The following CNTNAP2 variants were observed in gnomAD, a reference collection of about 807,000 sequenced individuals.
CNTNAP2 encodes contactin associated protein 2, also known as contactin-associated protein-like 2.
Under a neutral mutation model 155.2 loss-of-function variants are expected in CNTNAP2, and 98 were observed. The ratio of observed to expected loss-of-function variants is 0.63; its 90% CI spans 0.54 to 0.75. The LOEUF (loss-of-function observed/expected upper bound fraction) is 0.75. CNTNAP2 is among the 30% of genes least tolerant of loss of function. CNTNAP2 has a pLI of 0.00. For synonymous variants in CNTNAP2, 651 were observed against 631.2 expected (o/e 1.03, Z -0.47); for missense variants, 1,727 against 1,688.1 (o/e 1.02, Z -0.40).
chr7:146,835,337 G>A (rs1050757911), intron 2 of CNTNAP2, among the ~76,000 whole-genome samples: 13 of 152,080 alleles, frequency 8.5e-5, no homozygotes, highest in African/African-American at 2.7e-4. Context: ...TTAATTGCTC[G>A]TTGACTTGAG....
intron 14 of CNTNAP2, among the ~76,000 whole-genome samples, chr7:147,925,194 G>A (rs184230823): frequency 2.7e-5 from 4 of 149,866 alleles, no homozygotes; most frequent in South Asian, 2.1e-4. Context: ...AAGGAAGGAA[G>A]GAAGGAAGGA....
At chr7:147,832,089 T>C (rs1798555545) in intron 13 of CNTNAP2, among the ~76,000 whole-genome samples, 1 of 149,586 alleles carries the variant, frequency 6.7e-6, no homozygotes, top group South Asian at 2.1e-4. Flanking sequence ...ATTTTAAAAC[T>C]GTTATATATA....
chr7:147,594,506 T>C (rs1162570216), intron 12 of CNTNAP2, among the ~76,000 whole-genome samples: 1 of 152,160 alleles, frequency 6.6e-6, no homozygotes, highest in Non-Finnish European at 1.5e-5. Context: ...AATTAACAAA[T>C]AGCAGATATA....
intron 21 of CNTNAP2, among the ~76,000 whole-genome samples, chr7:148,268,312 T>C (rs1397772656): frequency 6.6e-6 from 1 of 151,986 alleles, no homozygotes; most frequent in Non-Finnish European, 1.5e-5. Context: ...CTTAAAAACA[T>C]GCGGCAGGGG....
intron 3 of CNTNAP2, among the ~76,000 whole-genome samples, chr7:146,981,136 A>G (rs986310636): frequency 4.6e-5 from 7 of 152,156 alleles, no homozygotes; most frequent in South Asian, 2.1e-4. Context: ...ATCTTCTGTG[A>G]TACTTTAGAA....
chr7:148,114,652 A>C (rs574123366), intron 15 of CNTNAP2, among the ~76,000 whole-genome samples: 2 of 152,286 alleles, frequency 1.3e-5, no homozygotes, highest in Admixed American at 1.3e-4. Context: ...GGACTCAGAG[A>C]TGGTGACCAT....
In CNTNAP2 at chr7:147,730,889, C is replaced by T. The variant is rs560641261; in HGVS notation, c.2098+91583C>T. 2.0e-5 allele frequency among the ~76,000 whole-genome samples: 3 copies of T among 152,188 alleles called. No homozygotes were observed. The South Asian group carries it at 6.2e-4, about 31-fold the overall frequency. ...CATGAACGATAGAAAAGTGAAACAG[C>T]TTTATTGCTGATATGGAGAAAGTTT... On this transcript the variant is annotated intron_variant, in intron 13 of 23. Coordinates refer to ENST00000361727, the MANE Select transcript of CNTNAP2 (RefSeq NM_014141.6).
At chr7:147,600,558 G>A (rs952896959) in intron 12 of CNTNAP2, among the ~76,000 whole-genome samples, 1 of 152,140 alleles carries the variant, frequency 6.6e-6, no homozygotes, top group African/African-American at 2.4e-5. Context: ...TTAAACCTGT[G>A]AAAAGCATTC....
intron 1 of CNTNAP2, among the ~76,000 whole-genome samples, chr7:146,225,450 C>G (rs1239722147): frequency 6.6e-6 from 1 of 152,134 alleles, no homozygotes; most frequent in Non-Finnish European, 1.5e-5. Flanking sequence ...GGACAGTCAA[C>G]TTGATTCTAA....
intron 1 of CNTNAP2, among the ~76,000 whole-genome samples, chr7:146,270,015 C>T (rs1239169086): frequency 3.9e-5 from 6 of 152,160 alleles, no homozygotes; most frequent in Non-Finnish European, 7.3e-5. Context: ...TACCTGATTC[C>T]TCTTTCAGTG....
intron 13 of CNTNAP2, among the ~76,000 whole-genome samples, chr7:147,692,729 G>C (rs142404075): frequency 6.6e-6 from 1 of 151,722 alleles, no homozygotes; most frequent in Non-Finnish European, 1.5e-5. Context: ...GGCTTTTTTC[G>C]GTATAGTTTG....
intron 8 of CNTNAP2, among the ~76,000 whole-genome samples, chr7:147,194,895 C>A (rs1297744085): frequency 2.0e-5 from 3 of 152,106 alleles, no homozygotes; most frequent in African/African-American, 7.2e-5. Context: ...ATGATAGTTT[C>A]TTTTGCTATG....
At chr7:147,758,694 A>G (rs897913993) in intron 13 of CNTNAP2, among the ~76,000 whole-genome samples, 2 of 151,990 alleles carry the variant, frequency 1.3e-5, no homozygotes, top group Non-Finnish European at 2.9e-5. Flanking sequence ...AAAATACAAA[A>G]ATTAGCTGGG....
At chr7:147,595,444 C>G (rs756664546) in intron 12 of CNTNAP2, among the ~76,000 whole-genome samples, 1 of 152,068 alleles carries the variant, frequency 6.6e-6, no homozygotes, top group South Asian at 2.1e-4. Flanking sequence ...TTACTCTATC[C>G]AACATGTAAC....
chr7:147,182,097 G>A (rs1186026669), intron 8 of CNTNAP2, among the ~76,000 whole-genome samples: 1 of 132,264 alleles, frequency 7.6e-6, no homozygotes, highest in African/African-American at 2.8e-5. Context: ...CTGCACCCCA[G>A]CCTGGGCAAG....
At chr7:146,979,914 C>T (rs1005889341) in intron 3 of CNTNAP2, among the ~76,000 whole-genome samples, 4 of 152,098 alleles carry the variant, frequency 2.6e-5, no homozygotes, top group South Asian at 2.1e-4. Flanking sequence ...TTAGTTTAAC[C>T]TAAGTCATGT....
chr7:146,660,789 G>A (rs912340907), intron 1 of CNTNAP2, among the ~76,000 whole-genome samples: 1 of 152,118 alleles, frequency 6.6e-6, no homozygotes, highest in African/African-American at 2.4e-5. Context: ...TTTACTGAAA[G>A]TCTTTCACAT....
chr7:146,633,020 A>C (rs1315850600), intron 1 of CNTNAP2, among the ~76,000 whole-genome samples: 1 of 152,048 alleles, frequency 6.6e-6, no homozygotes, highest in Non-Finnish European at 1.5e-5. Flanking sequence ...GTCATTAAAA[A>C]AGCAACTTTC....
chr7:147,595,989 G>A (rs956329958), intron 12 of CNTNAP2, among the ~76,000 whole-genome samples: 10 of 152,050 alleles, frequency 6.6e-5, no homozygotes, highest in Non-Finnish European at 1.3e-4. Context: ...TTTTTTGGCA[G>A]TCATCTCTTC....
Sources: gnomAD v4.1 joint callset for allele counts (sites outside exome capture counted in the v4.1 genomes callset) on GRCh38, gnomAD v4.1.1 for gene constraint, MANE v1.5 for transcripts, NCBI Gene and HGNC (gene_info 2026-07-23, HGNC 2026-07-21) for gene names.